ZFPM1: variants seen among roughly 807,000 people sequenced by gnomAD.
The protein encoded by ZFPM1 is zinc finger protein, FOG family member 1, also known as zinc finger protein ZFPM1.
In ZFPM1, 28 loss-of-function variants were observed where a neutral mutation model predicts 46.3. That is an observed-to-expected ratio of 0.60 (90% CI 0.45 to 0.83). The LOEUF is 0.83. Among genes scored for constraint, ZFPM1 ranks in the 40% least tolerant of loss-of-function variants. The probability of loss-of-function intolerance (pLI) is 0.00; values close to 1 mark genes in which losing one functional copy is unlikely to be tolerated. For missense variants in ZFPM1, 1,878 were observed against 1,432.4 expected, an observed-to-expected ratio of 1.31 and a Z score of -5.02; for synonymous variants, 957 against 675.9, an observed-to-expected ratio of 1.42 and a Z score of -6.45.
intron 1 of ZFPM1, among the ~76,000 whole-genome samples, chr16:88,482,741 C>T (rs1026699068): frequency 6.6e-6 from 1 of 152,218 alleles, no homozygotes; most frequent in African/African-American, 2.4e-5. Context: ...CCTACAGCTG[C>T]TCAGCAGGAG....
chr16:88,460,266 G>A (rs903423262), intron 1 of ZFPM1, among the ~76,000 whole-genome samples: 1 of 152,216 alleles, frequency 6.6e-6, no homozygotes, highest in Admixed American at 6.5e-5. Context: ...AGGGTCCCCA[G>A]CCTACTGTTG....
intron 1 of ZFPM1, among the ~76,000 whole-genome samples, chr16:88,455,132 GGTGTGTGTGTGTGTGTGTGTGT>G (rs4047261): frequency 1.4e-5 from 2 of 141,672 alleles, no homozygotes; most frequent in East Asian, 2.1e-4. Context: ...TCGGTTCTGG[GGTGTGTGTGTGTGTGTGTGTGT>G]GTGTGTGTGT....
At chr16:88,462,582 G>T (rs1230764192) in intron 1 of ZFPM1, among the ~76,000 whole-genome samples, 1 of 152,216 alleles carries the variant, frequency 6.6e-6, no homozygotes, top group Non-Finnish European at 1.5e-5. Context: ...ACTGTCAGGG[G>T]TGTGGCTTCC....
At chr16:88,466,342 T>C (rs964550635) in intron 1 of ZFPM1, among the ~76,000 whole-genome samples, 8 of 152,202 alleles carry the variant, frequency 5.3e-5, no homozygotes, top group Non-Finnish European at 8.8e-5. Context: ...CTCAGAGAAC[T>C]GAAGGCTCAG....
intron 1 of ZFPM1, among the ~76,000 whole-genome samples, chr16:88,456,220 G>A (rs1171083519): frequency 6.6e-6 from 1 of 152,216 alleles, no homozygotes; most frequent in South Asian, 2.1e-4. Flanking sequence ...GCTTTGCCCC[G>A]GCCAGGAGGG....
chr16:88,499,822 C>A (rs914629691), intron 3 of ZFPM1, among the ~76,000 whole-genome samples: 2 of 152,188 alleles, frequency 1.3e-5, no homozygotes, highest in Admixed American at 6.5e-5. Context: ...AGGGCCCAGG[C>A]CCACCCATCC....
chr16:88,485,383 G>T (rs945295667), intron 1 of ZFPM1, among the ~76,000 whole-genome samples: 1 of 152,034 alleles, frequency 6.6e-6, no homozygotes, highest in African/African-American at 2.4e-5. Context: ...GGGCGGAGGC[G>T]ACCCTGCAGC....
chr16:88,454,834 C>G (rs1032016976), intron 1 of ZFPM1, among the ~76,000 whole-genome samples: 3 of 152,216 alleles, frequency 2.0e-5, no homozygotes, highest in Non-Finnish European at 4.4e-5. Context: ...GAAACCCGCC[C>G]GCTGCCCAGC....
At chr16:88,453,717 G>A in intron 1 of ZFPM1, 39 bp downstream of exon 1, 2 of 1,153,022 alleles carry the variant, frequency 1.7e-6, no homozygotes, top group South Asian at 2.3e-5. Context: ...CCGCGCGCCC[G>A]ACCCCCGCCG....
At chr16:88,515,856 C>T (rs1911265098) in intron 4 of ZFPM1, among the ~76,000 whole-genome samples, 2 of 152,182 alleles carry the variant, frequency 1.3e-5, no homozygotes, top group Non-Finnish European at 2.9e-5. Flanking sequence ...GGCAGTTGAT[C>T]CTTCTGGGGT....
At chr16:88,489,357 G>A in intron 3 of ZFPM1, 8 of 777,202 alleles carry the variant, frequency 1.0e-5, no homozygotes, top group Non-Finnish European at 1.6e-5. Context: ...CCAATCCCGG[G>A]CCTCACGTGG....
At chr16:88,508,275 T>G (rs1407419421) in intron 3 of ZFPM1, among the ~76,000 whole-genome samples, 1 of 152,056 alleles carries the variant, frequency 6.6e-6, no homozygotes. Flanking sequence ...CCAGGCTGGG[T>G]GACAGTGCAA....
rs1912708521 is a variant in ZFPM1, at chr16:88,530,551, T to G, written c.713-1451T>G. The G allele has an allele frequency of 2.6e-5, 4 of 152,246 alleles. No homozygotes were observed. The South Asian group carries it at 8.3e-4, about 31-fold the overall frequency. The allele number at this position is 152,246 out of a possible 1,614,324, so 9.4% of individuals were successfully genotyped here. A position where few individuals can be genotyped will look rare whatever the true frequency, so the allele number is the denominator to read the frequency against. ...CCAGGGTCAGATCCAGTTTCATTCT[T>G]GAGCCTCCGGCACTCTGGGCCCATC... On this transcript the variant is annotated intron_variant, in intron 6 of 9. Transcript: ENST00000319555.
intron 4 of ZFPM1, chr16:88,516,502 C>T: frequency 2.5e-6 from 1 of 398,638 alleles, no homozygotes; most frequent in Non-Finnish European, 4.4e-6. Context: ...TCCACTCTTC[C>T]CTCCTCTGCT....
Position 88,469,925 on chromosome 16 carries a change from G to T in ZFPM1, c.41-16014G>T, listed in dbSNP as rs762301038. Among the ~76,000 whole-genome samples, 1 of 151,978 alleles carries T rather than the reference G, an allele frequency of 6.6e-6. No individual in the cohort carries two copies. The highest frequency in any genetic ancestry group is 1.5e-5 in the Non-Finnish European group (1 of 67,998). Reference sequence around the variant, plus strand: ...TGCCCAGCCCAGAGGATCTCCCCACGCAGCCCTCCCAGTCTGCAGAGGGGT... The same window carrying T: ...TGCCCAGCCCAGAGGATCTCCCCACTCAGCCCTCCCAGTCTGCAGAGGGGT... On this transcript the variant is annotated intron_variant, in intron 1 of 9. Coordinates refer to ENST00000319555, the MANE Select transcript of ZFPM1 (RefSeq NM_153813.3). This position sits in a 1 kb window ranked among gnomAD's most constrained non-coding sequence, Gnocchi z 4.3.
chr16:88,528,226 G>A lies in ZFPM1; in HGVS notation c.700G>A (p.Ala234Thr), dbSNP rs201400586. Residue 234 changes from alanine (A) to threonine (T), a missense_variant, in exon 6 of 10, where the codon GCA becomes ACA. Coordinates refer to ENST00000319555, the MANE Select transcript of ZFPM1 (RefSeq NM_153813.3). ...CGGGATGGCCTCCATCCTTGCCACC[G>A]CAGTGATCAACAGTAAGTGCTGGGC... The part of the protein sequence containing the change: ...QAGMASILAT[A>T]VINKDVFPCK... 3.0e-5 allele frequency: 49 copies of A among 1,608,088 alleles called. No individual in the cohort carries two copies. The highest frequency in any genetic ancestry group is 4.0e-5 in the African/African-American group (3 of 74,800).
intron 2 of ZFPM1, among the ~76,000 whole-genome samples, chr16:88,487,577 G>C (rs750045058): frequency 1.3e-5 from 2 of 152,146 alleles, no homozygotes; most frequent in Non-Finnish European, 2.9e-5. Context: ...CGAGGGGCTG[G>C]GGTGGAGATC....
chr16:88,467,251 C>T (rs1052421656), intron 1 of ZFPM1, among the ~76,000 whole-genome samples: 2 of 152,138 alleles, frequency 1.3e-5, no homozygotes, highest in Non-Finnish European at 2.9e-5. Context: ...GACCAGGAGC[C>T]GCAGCAAACA....
intron 3 of ZFPM1, among the ~76,000 whole-genome samples, chr16:88,507,246 G>A (rs896496230): frequency 6.6e-6 from 1 of 152,148 alleles, no homozygotes; most frequent in African/African-American, 2.4e-5. Flanking sequence ...GCTTTTCACA[G>A]ACGAGAGCAG....
Sources: allele counts gnomAD v4.1 joint callset (sites outside exome capture counted in the v4.1 genomes callset), GRCh38; gene constraint gnomAD v4.1.1; non-coding constraint Gnocchi (gnomAD v3.1); transcripts MANE v1.5; gene names NCBI Gene and HGNC (gene_info 2026-07-23, HGNC 2026-07-21).